Variants in LRRTM4 observed in about 807,000 individuals in gnomAD.
LRRTM4 encodes leucine rich repeat transmembrane neuronal 4, also known as leucine-rich repeat transmembrane neuronal protein 4.
Under a neutral mutation model 47.6 loss-of-function variants are expected in LRRTM4, and 25 were observed. The ratio of observed to expected loss-of-function variants is 0.53; its 90% CI spans 0.38 to 0.73. The LOEUF (loss-of-function observed/expected upper bound fraction) is 0.73, where lower values mean the gene tolerates loss of function less well. Ranked by LOEUF, LRRTM4 falls within the 30% of genes least tolerant of loss-of-function variation. The pLI is 0.00. For synonymous variants in LRRTM4, 311 were observed against 269.5 expected (o/e 1.15, Z -1.51); for missense variants, 638 against 713.4 (o/e 0.89, Z 1.20).
chr2:77,227,231 A>G (rs145803948), intron 3 of LRRTM4, among the ~76,000 whole-genome samples: 5 of 152,222 alleles, frequency 3.3e-5, no homozygotes, highest in African/African-American at 1.2e-4. Context: ...AAAGGAAAGA[A>G]AATAACACTT....
intron 3 of LRRTM4, among the ~76,000 whole-genome samples, chr2:77,159,378 G>A (rs1458797595): frequency 6.6e-6 from 1 of 152,036 alleles, no homozygotes; most frequent in Non-Finnish European, 1.5e-5. Context: ...ATCGTTGGTT[G>A]GGGAGAGGGA....
intron 3 of LRRTM4, among the ~76,000 whole-genome samples, chr2:77,075,893 C>T (rs568204640): frequency 5.4e-4 from 54 of 99,724 alleles, no homozygotes; most frequent in African/African-American, 2.2e-3. Flanking sequence ...CCAGCCTGGG[C>T]GACAGAGCGA....
At chr2:76,860,850 T>C (rs1672292443) in intron 3 of LRRTM4, among the ~76,000 whole-genome samples, 1 of 151,648 alleles carries the variant, frequency 6.6e-6, no homozygotes, top group Non-Finnish European at 1.5e-5. Flanking sequence ...GGGTAATGAA[T>C]CCACATCAAG....
At chr2:77,249,750 C>G (rs1353058016) in intron 3 of LRRTM4, among the ~76,000 whole-genome samples, 5 of 152,170 alleles carry the variant, frequency 3.3e-5, no homozygotes, top group African/African-American at 1.2e-4. Context: ...CTTTGGAGGA[C>G]AGTTTAACTG....
At chr2:76,913,021 G>A (rs1674124184) in intron 3 of LRRTM4, among the ~76,000 whole-genome samples, 1 of 152,082 alleles carries the variant, frequency 6.6e-6, no homozygotes, top group South Asian at 2.1e-4. Context: ...ACTGATATAG[G>A]GGTCCATTTT....
intron 3 of LRRTM4, among the ~76,000 whole-genome samples, chr2:77,059,186 A>T (rs1297315082): frequency 6.6e-6 from 1 of 152,194 alleles, no homozygotes; most frequent in Non-Finnish European, 1.5e-5. Flanking sequence ...CAAAGGAACT[A>T]TACTAACAAC....
intron 3 of LRRTM4, among the ~76,000 whole-genome samples, chr2:77,224,367 A>C (rs1260770636): frequency 8.5e-5 from 13 of 152,222 alleles, no homozygotes; most frequent in Admixed American, 7.9e-4. Context: ...AATGGGATGT[A>C]ATTAAACTAA....
At chr2:76,937,505 G>A (rs559091738) in intron 3 of LRRTM4, among the ~76,000 whole-genome samples, 1 of 152,250 alleles carries the variant, frequency 6.6e-6, no homozygotes, top group East Asian at 1.9e-4. Flanking sequence ...AAATCATTTT[G>A]CTATTTTAAT....
chr2:77,520,680 T>A (rs989088845), intron 2 of LRRTM4, among the ~76,000 whole-genome samples: 6 of 152,140 alleles, frequency 3.9e-5, no homozygotes, highest in African/African-American at 1.4e-4. Context: ...GAGTTGTTTT[T>A]GCAAATTCGA....
chr2:77,102,599 T>C (rs1026095687), intron 3 of LRRTM4, among the ~76,000 whole-genome samples: 1 of 152,200 alleles, frequency 6.6e-6, no homozygotes, highest in African/African-American at 2.4e-5. Context: ...TATAATACCA[T>C]CATAGGGCAG....
chr2:77,495,290 A>G (rs1678318025), intron 3 of LRRTM4, among the ~76,000 whole-genome samples: 1 of 152,058 alleles, frequency 6.6e-6, no homozygotes. Flanking sequence ...GTTACTCTGC[A>G]TCTTTGCCAA....
intron 3 of LRRTM4, among the ~76,000 whole-genome samples, chr2:77,503,880 T>C (rs1472886400): frequency 6.6e-6 from 1 of 151,702 alleles, no homozygotes. Context: ...TAAAAAATTA[T>C]AAAATGTGGT....
intron 3 of LRRTM4, among the ~76,000 whole-genome samples, chr2:77,028,393 C>T (rs994573865): frequency 2.0e-5 from 3 of 152,130 alleles, no homozygotes; most frequent in Admixed American, 6.6e-5. Context: ...TTGAGATGAA[C>T]TTTCTAACCT....
At chr2:76,770,681 G>C (rs1673657535) in intron 3 of LRRTM4, among the ~76,000 whole-genome samples, 1 of 152,118 alleles carries the variant, frequency 6.6e-6, no homozygotes, top group Non-Finnish European at 1.5e-5. Flanking sequence ...AAAAGTAAAA[G>C]CTATGTAAAA....
At chr2:76,911,724 T>G (rs1370613280) in intron 3 of LRRTM4, among the ~76,000 whole-genome samples, 2 of 149,398 alleles carry the variant, frequency 1.3e-5, no homozygotes, top group Non-Finnish European at 2.9e-5. Flanking sequence ...GGTAGAAATG[T>G]CAGTAGAAAT....
intron 3 of LRRTM4, among the ~76,000 whole-genome samples, chr2:77,039,559 A>C (rs1678955711): frequency 6.6e-6 from 1 of 151,286 alleles, no homozygotes; most frequent in Non-Finnish European, 1.5e-5. Flanking sequence ...GATTTATGTA[A>C]AACAAACACC....
chr2:77,366,558 A>C (rs757932323), intron 3 of LRRTM4, among the ~76,000 whole-genome samples: 3 of 151,798 alleles, frequency 2.0e-5, no homozygotes, highest in Non-Finnish European at 4.4e-5. Context: ...TTAACCAATT[A>C]TATTAACTTT....
At chr2:77,089,043 G>T (rs937050830) in intron 3 of LRRTM4, among the ~76,000 whole-genome samples, 1 of 152,066 alleles carries the variant, frequency 6.6e-6, no homozygotes. Flanking sequence ...TTTAATCACT[G>T]CAGGGACACC....
chr2:77,086,847 C>G (rs2103871971), intron 3 of LRRTM4, among the ~76,000 whole-genome samples: 1 of 152,052 alleles, frequency 6.6e-6, no homozygotes, highest in African/African-American at 2.4e-5. Flanking sequence ...ACCCCAAACA[C>G]AGTAAATTAA....
Sources: allele counts gnomAD v4.1 joint callset (sites outside exome capture counted in the v4.1 genomes callset), GRCh38; gene constraint gnomAD v4.1.1; transcripts MANE v1.5; gene names NCBI Gene and HGNC (gene_info 2026-07-23, HGNC 2026-07-21).